Variants in CHST13 observed in about 807,000 individuals in gnomAD.
The protein encoded by CHST13 is C4ST-3.
CHST13 carries 1 observed loss-of-function variant against 7.0 expected under a neutral mutation model. The ratio of observed to expected loss-of-function variants is 0.14; its 90% CI spans 0.05 to 0.68. The LOEUF (loss-of-function observed/expected upper bound fraction) is 0.68. Ranked by LOEUF, CHST13 falls within the 30% of genes least tolerant of loss-of-function variation. CHST13 has a pLI of 0.82. For synonymous variants in CHST13, 257 were observed against 240.9 expected (o/e 1.07, Z -0.62); for missense variants, 572 against 507.9 (o/e 1.13, Z -1.21).
At position 126,542,216 on chromosome 3, in the gene CHST13, G is replaced by A. The variant is rs755426222; in HGVS notation, c.664G>A (p.Asp222Asn). 16 of 1,479,114 alleles carry A rather than the reference G, an allele frequency of 1.1e-5. No individual in the cohort carries two copies. Among genetic ancestry groups the A allele is most frequent in the Admixed American group, 2.5e-5 (1 of 40,740 alleles). The allele number at this position is 1,479,114 out of a possible 1,614,324, so 91.6% of individuals were successfully genotyped here. Residue 222 changes from aspartate (D) to asparagine (N), a missense_variant, in exon 3 of 3, where the codon GAC becomes AAC. Coordinates refer to ENST00000319340, the MANE Select transcript of CHST13 (RefSeq NM_152889.3). ...CCCCGACGCCCGGGCCCGCGGCCAC[G>A]ACGTGCGCTTCGCGGAGTTCCTGGC... is the stretch of plus-strand genomic sequence containing the variant. ...ALPDARARGHDVRFAEFLAYL... is the reference protein window; with the variant it reads ...ALPDARARGHNVRFAEFLAYL...
chr3:126,542,520 A>G lies in CHST13; in HGVS notation c.968A>G (p.Tyr323Cys), dbSNP rs1269869065. ...PFYQRRLFDL[Y>C]KMDFLLFNYS... Reference sequence around the variant, plus strand: ...TACCAGCGGCGCCTCTTCGACCTCTACAAGATGGACTTCCTGCTTTTCAAC... The same window carrying G: ...TACCAGCGGCGCCTCTTCGACCTCTGCAAGATGGACTTCCTGCTTTTCAAC... Residue 323 changes from tyrosine (Y) to cysteine (C), a missense_variant, in exon 3 of 3, where the codon TAC becomes TGC. Coordinates refer to ENST00000319340, the MANE Select transcript of CHST13 (RefSeq NM_152889.3). The G allele has an allele frequency of 8.4e-6, 13 of 1,548,792 alleles. No homozygotes were observed. The highest frequency in any genetic ancestry group is 1.2e-5 in the South Asian group (1 of 81,322).
rs116475637 is a variant in CHST13 at position 126,531,437 on chromosome 3, G to A, written c.98-4834G>A. 2.9e-3 allele frequency among the ~76,000 whole-genome samples: 437 copies of A among 151,944 alleles called. 1 individual carries two copies. Among genetic ancestry groups the A allele is most frequent in the African/African-American group, 0.01 (429 of 41,174 alleles). On this transcript the variant is annotated intron_variant, in intron 1 of 2. Coordinates refer to ENST00000319340, the MANE Select transcript of CHST13 (RefSeq NM_152889.3). ...TGGTTGAAGGCCAAGGATCACAGAA[G>A]CATTTATCCTTCTTTTCTCACATGT... is the stretch of plus-strand genomic sequence containing the variant.
intron 1 of CHST13, among the ~76,000 whole-genome samples, chr3:126,534,848 G>A (rs909469632): frequency 2.7e-5 from 4 of 149,548 alleles, no homozygotes; most frequent in Non-Finnish European, 5.9e-5. Context: ...GAGCATCCCT[G>A]TCCTCAGCTG....
chr3:126,529,449 G>A (rs894365107), intron 1 of CHST13: 4 of 1,217,048 alleles, frequency 3.3e-6, no homozygotes, highest in South Asian at 2.6e-5. Context: ...TGTTAAGGGT[G>A]CAGATGCTGG....
chr3:126,536,876 CTT>C (rs1257706886), intron 2 of CHST13, among the ~76,000 whole-genome samples: 14 of 113,256 alleles, frequency 1.2e-4, no homozygotes, highest in East Asian at 5.3e-4. Flanking sequence ...CTCTCTCTCT[CTT>C]TCTCACACAC....
chr3:126,526,479 C>T (rs1376855859), intron 1 of CHST13, among the ~76,000 whole-genome samples: 1 of 152,172 alleles, frequency 6.6e-6, no homozygotes, highest in Admixed American at 6.5e-5. Flanking sequence ...CCCAGGAGGG[C>T]AGGCCCAGCA....
rs543666655 is a variant in CHST13 at position 126,532,345 on chromosome 3, A to T, written c.98-3926A>T. On this transcript the variant is annotated intron_variant, in intron 1 of 2. Coordinates refer to ENST00000319340, the MANE Select transcript of CHST13 (RefSeq NM_152889.3). ...GTCATATCTAATACATCATCACCTA[A>T]TCCAAGGTCATGGAGATTTATGTCG... Among the ~76,000 whole-genome samples the T allele has an allele frequency of 9.2e-5, 14 of 152,344 alleles. No individual in the cohort carries two copies. The South Asian group carries it at 2.7e-3, about 29-fold the overall frequency.
intron 1 of CHST13, among the ~76,000 whole-genome samples, chr3:126,524,793 T>G (rs1295251903): frequency 1.3e-5 from 2 of 152,150 alleles, no homozygotes; most frequent in Middle Eastern, 3.2e-3. Context: ...CCCCTGGACA[T>G]GAGCGCTGCT....
rs1936976691 is a variant in CHST13 at position 126,542,206 on chromosome 3, C to T, written c.654C>T (p.Ala218=). ...CGCGCGCGCTCCCCGACGCCCGGGCCCGCGGCCACGACGTGCGCTTCGCGG... is the reference window on the plus strand; with the variant it reads ...CGCGCGCGCTCCCCGACGCCCGGGCTCGCGGCCACGACGTGCGCTTCGCGG... ...LRPRALPDAR[A]RGHDVRFAEF... is the part of the protein sequence containing the mutation. The change falls in exon 3 of 3, where the codon GCC becomes GCT. Residue 218 remains alanine (A), a synonymous_variant. Transcript: ENST00000319340. 1 of 1,451,060 alleles carries T rather than the reference C, an allele frequency of 6.9e-7. No homozygotes were observed. The highest frequency in any genetic ancestry group is 9.0e-7 in the Non-Finnish European group (1 of 1,109,774). The allele number at this position is 1,451,060 out of a possible 1,614,324, so 89.9% of individuals were successfully genotyped here.
chr3:126,529,291 C>T (rs1576746344), intron 1 of CHST13: 3 of 1,286,074 alleles, frequency 2.3e-6, no homozygotes, highest in South Asian at 1.2e-5. Context: ...GTGCAGCAAT[C>T]GCATGGCCTT....
chr3:126,536,701 G>A (rs1437432762), intron 2 of CHST13, among the ~76,000 whole-genome samples: 2 of 151,856 alleles, frequency 1.3e-5, no homozygotes, highest in Admixed American at 1.3e-4. Flanking sequence ...GCAGTGGGGA[G>A]GTGTGCAGGG....
At position 126,542,424 on chromosome 3, in the gene CHST13, C is replaced by T; in HGVS notation, c.872C>T (p.Pro291Leu). The change falls in exon 3 of 3, where the codon CCG becomes CTG. Residue 291 changes from proline (P) to leucine (L), a missense_variant. Transcript: ENST00000319340. Reference protein sequence around the residue: ...AGASDLSFPGPPRPRGAAASR... With the variant: ...AGASDLSFPGLPRPRGAAASR... The stretch of plus-strand genomic sequence containing the variant: ...GCATCCGACCTGAGCTTCCCTGGGC[C>T]GCCGCGGCCCCGGGGAGCCGCCGCC... 6.4e-7 allele frequency: 1 copy of T among 1,551,712 alleles called. No individual in the cohort carries two copies. The highest frequency in any genetic ancestry group is 2.5e-5 in the East Asian group (1 of 39,622).
At chr3:126,528,674 C>T (rs1463274750) in intron 1 of CHST13, among the ~76,000 whole-genome samples, 3 of 152,072 alleles carry the variant, frequency 2.0e-5, no homozygotes, top group Admixed American at 1.3e-4. Context: ...GAGGCACAGC[C>T]GACAGGACTG....
At chr3:126,525,420 C>A (rs1393211615) in intron 1 of CHST13, among the ~76,000 whole-genome samples, 1 of 152,118 alleles carries the variant, frequency 6.6e-6, no homozygotes, top group African/African-American at 2.4e-5. Context: ...GCCCACTCCC[C>A]CTGACCCTCA....
At chr3:126,536,454 C>A in intron 2 of CHST13, 101 bp downstream of exon 2, 2 of 867,620 alleles carry the variant, frequency 2.3e-6, no homozygotes, top group Non-Finnish European at 3.7e-6. Flanking sequence ...GGACCCCACA[C>A]TGGGGCACAG....
intron 2 of CHST13, among the ~76,000 whole-genome samples, chr3:126,536,897 A>ACG (rs899853909): frequency 2.5e-5 from 1 of 40,784 alleles, no homozygotes; most frequent in African/African-American, 2.9e-4. Context: ...ACACACACAA[A>ACG]CACACACACA....
At chr3:126,525,392 G>T (rs1936518431) in intron 1 of CHST13, among the ~76,000 whole-genome samples, 1 of 152,112 alleles carries the variant, frequency 6.6e-6, no homozygotes, top group South Asian at 2.1e-4. Flanking sequence ...GAGGATATCA[G>T]GGCCTGGGGA....
intron 1 of CHST13, among the ~76,000 whole-genome samples, chr3:126,531,751 T>A (rs1262576390): frequency 6.6e-6 from 1 of 152,256 alleles, no homozygotes; most frequent in Non-Finnish European, 1.5e-5. Context: ...GGGGCTATCA[T>A]GAATAATGCT....
rs1185675990 is a variant in CHST13, at chr3:126,542,627, G to C, written c.*49G>C. On this transcript the variant is annotated 3_prime_UTR_variant, in exon 3 of 3. Transcript: ENST00000319340. Reference sequence around the variant, plus strand: ...CGCGGGGCAAGTGCCTTTCCGACAAGACCCCCGGGGAATGCAGGTGCTGCC... The same window carrying C: ...CGCGGGGCAAGTGCCTTTCCGACAACACCCCCGGGGAATGCAGGTGCTGCC... The C allele has an allele frequency of 7.0e-7, 1 of 1,419,738 alleles. No individual in the cohort carries two copies. The allele number at this position is 1,419,738 out of a possible 1,614,324, so 87.9% of individuals were successfully genotyped here.
Sources: gnomAD v4.1 joint callset for allele counts (sites outside exome capture counted in the v4.1 genomes callset) on GRCh38, gnomAD v4.1.1 for gene constraint, MANE v1.5 for transcripts, NCBI Gene and HGNC (gene_info 2026-07-23, HGNC 2026-07-21) for gene names.